Variants in NDUFAF2 observed in about 807,000 individuals in gnomAD.
NDUFAF2 encodes the protein NADH dehydrogenase [ubiquinone] 1 alpha subcomplex assembly factor 2.
A neutral mutation model predicts 22.8 loss-of-function variants in NDUFAF2; 13 were observed. The ratio of observed to expected loss-of-function variants is 0.57; its 90% CI spans 0.37 to 0.91. The LOEUF (loss-of-function observed/expected upper bound fraction) is 0.91. NDUFAF2 is among the 40% of genes least tolerant of loss of function. The probability of loss-of-function intolerance (pLI) is 0.01; values close to 1 mark genes in which losing one functional copy is unlikely to be tolerated. For synonymous variants in NDUFAF2, 53 were observed against 64.2 expected (o/e 0.83, Z 0.84); for missense variants, 162 against 195.2 (o/e 0.83, Z 1.01).
At chr5:60,978,115 G>A (rs1045062592) in intron 1 of NDUFAF2, among the ~76,000 whole-genome samples, 5 of 152,244 alleles carry the variant, frequency 3.3e-5, no homozygotes, top group Admixed American at 1.3e-4. Context: ...CAGACATTGC[G>A]TTAGAACTCA....
At chr5:60,987,415 C>T (rs1305482183) in intron 1 of NDUFAF2, among the ~76,000 whole-genome samples, 2 of 152,110 alleles carry the variant, frequency 1.3e-5, no homozygotes, top group Non-Finnish European at 2.9e-5. Context: ...GATTTCTTCC[C>T]AACTCATTCT....
At chr5:60,951,006 TGG>T (rs1750538415) in intron 1 of NDUFAF2, among the ~76,000 whole-genome samples, 1 of 152,128 alleles carries the variant, frequency 6.6e-6, no homozygotes, top group African/African-American at 2.4e-5. Flanking sequence ...TGTTTTTTTG[TGG>T]CATAATAGCT....
intron 1 of NDUFAF2, among the ~76,000 whole-genome samples, chr5:61,061,389 G>T (rs926530954): frequency 7.9e-5 from 12 of 152,000 alleles, no homozygotes; most frequent in Non-Finnish European, 1.3e-4. Context: ...ATTGTTTAGT[G>T]CTGTGGCTTT....
chr5:61,017,166 T>C (rs1751522415), intron 1 of NDUFAF2, among the ~76,000 whole-genome samples: 1 of 152,216 alleles, frequency 6.6e-6, no homozygotes, highest in South Asian at 2.1e-4. Context: ...GGTAGTAAGT[T>C]CTAAAATAAC....
In NDUFAF2 at chr5:61,007,257, G is replaced by A. The variant is rs988127615; in HGVS notation, c.127+61875G>A. Among the ~76,000 whole-genome samples, 7 of 151,584 alleles carry A rather than the reference G, an allele frequency of 4.6e-5. No individual in the cohort carries two copies. In the East Asian group the frequency reaches 5.8e-4, roughly 13 times the overall value. ...GGGTTTTTATGGTTTTAGGTCTAAC[G>A]TTTAAGTCTTTAATCCATCTTGAAT... On this transcript the variant is annotated intron_variant, in intron 1 of 3. Transcript: ENST00000296597.
At chr5:60,957,803 G>C (rs1426594322) in intron 1 of NDUFAF2, among the ~76,000 whole-genome samples, 1 of 152,198 alleles carries the variant, frequency 6.6e-6, no homozygotes, top group Non-Finnish European at 1.5e-5. Flanking sequence ...TTGCCTGTGA[G>C]AAATAGGGAA....
chr5:61,134,529 C>G, intron 3 of NDUFAF2, among the ~76,000 whole-genome samples: 1 of 152,002 alleles, frequency 6.6e-6, no homozygotes, highest in Middle Eastern at 3.4e-3. Context: ...ACTAAAAATA[C>G]AAAAAAATTA....
intron 3 of NDUFAF2, among the ~76,000 whole-genome samples, chr5:61,112,560 T>G (rs188719802): frequency 2.7e-4 from 41 of 152,348 alleles, no homozygotes; most frequent in Non-Finnish European, 2.2e-4. Flanking sequence ...TTGTCTGATA[T>G]AAGTATAGCT....
intron 1 of NDUFAF2, among the ~76,000 whole-genome samples, chr5:61,003,794 A>T (rs573631897): frequency 5.9e-5 from 9 of 151,798 alleles, no homozygotes; most frequent in African/African-American, 1.9e-4. Context: ...AGTAGTTAGG[A>T]CTACAGGCAT....
At chr5:61,025,015 C>G (rs62367904) in intron 1 of NDUFAF2, among the ~76,000 whole-genome samples, 3,014 of 152,166 alleles carry the variant, frequency 0.02, 32 homozygotes, top group Middle Eastern at 0.078. Context: ...GAAACTACAG[C>G]TCTTTTTGAA....
chr5:61,086,522 T>C (rs1459744927), intron 2 of NDUFAF2, among the ~76,000 whole-genome samples: 3 of 152,148 alleles, frequency 2.0e-5, no homozygotes, highest in Non-Finnish European at 4.4e-5. Flanking sequence ...GATTTTTCAA[T>C]AGCAAGGAAA....
At chr5:60,967,544 T>TA (rs947782520) in intron 1 of NDUFAF2, among the ~76,000 whole-genome samples, 1 of 151,928 alleles carries the variant, frequency 6.6e-6, no homozygotes. Flanking sequence ...GTTTTTTTTT[T>TA]ATCATGAAAG....
At chr5:61,084,001 T>A (rs1317299148) in intron 2 of NDUFAF2, among the ~76,000 whole-genome samples, 1 of 151,722 alleles carries the variant, frequency 6.6e-6, no homozygotes, top group Non-Finnish European at 1.5e-5. Flanking sequence ...TCCACAATAA[T>A]GATGAGTAGA....
chr5:61,051,630 G>T (rs1752025619), intron 1 of NDUFAF2, among the ~76,000 whole-genome samples: 1 of 152,088 alleles, frequency 6.6e-6, no homozygotes, highest in South Asian at 2.1e-4. Context: ...GAAGAGTTTG[G>T]ATTTTTGCTG....
chr5:61,112,633 G>A (rs1467257380), intron 3 of NDUFAF2, among the ~76,000 whole-genome samples: 1 of 151,844 alleles, frequency 6.6e-6, no homozygotes, highest in Non-Finnish European at 1.5e-5. Flanking sequence ...TTATTTTCAG[G>A]CTATATGAGT....
In NDUFAF2 at chr5:61,134,544, G is replaced by A. The variant is rs1201413338; in HGVS notation, c.259-18160G>A. On this transcript the variant is annotated intron_variant, in intron 3 of 3. Coordinates refer to ENST00000296597, the MANE Select transcript of NDUFAF2 (RefSeq NM_174889.5). ...ACTAAAAATACAAAAAAATTAGCCG[G>A]ACGTGGTGGCACGTGCCTGTAGTCC... 2.6e-5 allele frequency among the ~76,000 whole-genome samples: 4 copies of A among 152,208 alleles called. No individual in the cohort carries two copies. In the East Asian group the frequency reaches 7.7e-4, roughly 29 times the overall value.
intron 1 of NDUFAF2, among the ~76,000 whole-genome samples, chr5:61,034,299 A>C (rs549307415): frequency 3.3e-5 from 5 of 152,270 alleles, no homozygotes; most frequent in African/African-American, 1.2e-4. Context: ...GATGGGGATA[A>C]ATTCTGAGAA....
chr5:61,033,088 G>T (rs1416737481), intron 1 of NDUFAF2, among the ~76,000 whole-genome samples: 1 of 152,142 alleles, frequency 6.6e-6, no homozygotes, highest in African/African-American at 2.4e-5. Context: ...TCGAGTAGTA[G>T]TTTGTAGTTC....
intron 3 of NDUFAF2, among the ~76,000 whole-genome samples, chr5:61,110,556 G>C (rs1752827412): frequency 6.6e-6 from 1 of 151,954 alleles, no homozygotes; most frequent in Non-Finnish European, 1.5e-5. Context: ...TCAGTAGGTT[G>C]TATGTGTCTA....
Sources: gnomAD v4.1 joint callset for allele counts (sites outside exome capture counted in the v4.1 genomes callset) on GRCh38, gnomAD v4.1.1 for gene constraint, MANE v1.5 for transcripts, NCBI Gene and HGNC (gene_info 2026-07-23, HGNC 2026-07-21) for gene names.